The following ANKS1B variants were observed in gnomAD, a reference collection of about 807,000 sequenced individuals.
The protein encoded by ANKS1B is ankyrin repeat and sterile alpha motif domain containing 1B.
A neutral mutation model predicts 148.3 loss-of-function variants in ANKS1B; 36 were observed. That is an observed-to-expected ratio of 0.24 (90% CI 0.19 to 0.32). The LOEUF is 0.32. Among genes scored for constraint, ANKS1B ranks in the 10% least tolerant of loss-of-function variants. ANKS1B has a pLI of 1.00. For missense variants in ANKS1B, 1,157 were observed against 1,542.6 expected (o/e 0.75, Z 4.19); for synonymous variants, 542 against 560.8 (o/e 0.97, Z 0.47).
At chr12:99,783,259 A>T (rs377613948) in intron 4 of ANKS1B, among the ~76,000 whole-genome samples, 7 of 152,078 alleles carry the variant, frequency 4.6e-5, no homozygotes, top group Non-Finnish European at 1.0e-4. Context: ...ACCACCAAAC[A>T]TCATAGCCTA....
intron 11 of ANKS1B, among the ~76,000 whole-genome samples, chr12:99,430,064 A>T (rs1248776761): frequency 2.1e-5 from 3 of 145,110 alleles, no homozygotes; most frequent in Non-Finnish European, 3.0e-5. Context: ...AAAAAAAAAG[A>T]TCTTTAGAAA....
chr12:99,215,896 G>A (rs1319761470), intron 14 of ANKS1B, among the ~76,000 whole-genome samples: 1 of 152,130 alleles, frequency 6.6e-6, no homozygotes, highest in Non-Finnish European at 1.5e-5. Context: ...AAGGCAAAAT[G>A]GTTATGAAAT....
intron 17 of ANKS1B, among the ~76,000 whole-genome samples, chr12:98,849,599 A>C (rs976790897): frequency 3.6e-4 from 55 of 152,360 alleles, no homozygotes; most frequent in Non-Finnish European, 2.8e-4. Flanking sequence ...CGAGTAATTT[A>C]AATCATGAAT....
chr12:99,485,486 T>C (rs530540384), intron 10 of ANKS1B, among the ~76,000 whole-genome samples: 1 of 152,316 alleles, frequency 6.6e-6, no homozygotes, highest in South Asian at 2.1e-4. Context: ...TTGGTAAATA[T>C]CTTTTTGCAA....
intron 17 of ANKS1B, among the ~76,000 whole-genome samples, chr12:98,923,605 T>C (rs1377314461): frequency 6.6e-6 from 1 of 152,218 alleles, no homozygotes; most frequent in Non-Finnish European, 1.5e-5. Context: ...ACACTACAAA[T>C]GTAGAGTGAA....
intron 12 of ANKS1B, among the ~76,000 whole-genome samples, chr12:99,273,330 A>G (rs2077259844): frequency 6.6e-6 from 1 of 152,158 alleles, no homozygotes; most frequent in Admixed American, 6.5e-5. Flanking sequence ...CACCAGAATA[A>G]TTATCTAAAA....
At chr12:98,898,548 G>A (rs1290564668) in intron 17 of ANKS1B, among the ~76,000 whole-genome samples, 2 of 152,062 alleles carry the variant, frequency 1.3e-5, no homozygotes, top group Non-Finnish European at 2.9e-5. Flanking sequence ...AGAAGCAGGC[G>A]TAAAACCATG....
At chr12:99,608,224 C>T (rs1005545930) in intron 9 of ANKS1B, among the ~76,000 whole-genome samples, 2 of 152,042 alleles carry the variant, frequency 1.3e-5, no homozygotes, top group Admixed American at 1.3e-4. Flanking sequence ...ACTCAGGAGT[C>T]TCTGTCTTTG....
At chr12:99,210,070 C>T (rs1423788715) in intron 14 of ANKS1B, among the ~76,000 whole-genome samples, 2 of 152,142 alleles carry the variant, frequency 1.3e-5, no homozygotes, top group Non-Finnish European at 2.9e-5. Flanking sequence ...CCAGAAGCCC[C>T]TCTCAGGTTT....
chr12:98,794,823 TAAAG>T (rs2098932759), intron 22 of ANKS1B: 3 of 1,590,830 alleles, frequency 1.9e-6, no homozygotes, highest in Admixed American at 3.3e-5. Flanking sequence ...TGAAGAAAAA[TAAAG>T]AGCTACAGAA....
At chr12:99,607,245 G>A (rs1478937747) in intron 9 of ANKS1B, among the ~76,000 whole-genome samples, 1 of 152,064 alleles carries the variant, frequency 6.6e-6, no homozygotes, top group Non-Finnish European at 1.5e-5. Flanking sequence ...TAAATACATA[G>A]GCTCACAAGA....
intron 8 of ANKS1B, among the ~76,000 whole-genome samples, chr12:99,726,456 GA>G (rs1460647713): frequency 6.6e-6 from 1 of 152,124 alleles, no homozygotes; most frequent in Non-Finnish European, 1.5e-5. Flanking sequence ...TCCATAAATA[GA>G]CCAATAACAA....
chr12:99,170,498 G>T (rs1453576515), intron 14 of ANKS1B, among the ~76,000 whole-genome samples: 1 of 152,124 alleles, frequency 6.6e-6, no homozygotes, highest in Non-Finnish European at 1.5e-5. Context: ...AATAGCACGT[G>T]AAAAAAGCAC....
At chr12:98,855,145 G>A (rs1257159046) in intron 17 of ANKS1B, among the ~76,000 whole-genome samples, 10 of 139,830 alleles carry the variant, frequency 7.2e-5, no homozygotes, top group South Asian at 2.2e-4. Context: ...CGACCTGGGC[G>A]ACAGAGCGAG....
chr12:99,747,091 CCT>C (rs532788968), intron 8 of ANKS1B, among the ~76,000 whole-genome samples: 224 of 151,654 alleles, frequency 1.5e-3, no homozygotes, highest in Non-Finnish European at 2.1e-3. Context: ...GGTCTGAACC[CCT>C]TTCTCCTCCT....
intron 17 of ANKS1B, among the ~76,000 whole-genome samples, chr12:98,962,796 T>C (rs2099873802): frequency 6.6e-6 from 1 of 152,182 alleles, no homozygotes; most frequent in Non-Finnish European, 1.5e-5. Flanking sequence ...AGAGGAATTT[T>C]GGAAAATATA....
At chr12:99,942,130 G>A (rs549840073) in intron 1 of ANKS1B, among the ~76,000 whole-genome samples, 28 of 152,222 alleles carry the variant, frequency 1.8e-4, no homozygotes, top group Non-Finnish European at 2.2e-4. Context: ...CATATTTAAC[G>A]AGATGAGAGA....
chr12:99,451,282 C>T (rs569762745), intron 10 of ANKS1B, among the ~76,000 whole-genome samples: 1 of 152,254 alleles, frequency 6.6e-6, no homozygotes, highest in Non-Finnish European at 1.5e-5. Flanking sequence ...GAAAAATATT[C>T]TATGACTATA....
chr12:99,628,453 T>C (rs1253306725), intron 9 of ANKS1B, among the ~76,000 whole-genome samples: 1 of 152,212 alleles, frequency 6.6e-6, no homozygotes, highest in Non-Finnish European at 1.5e-5. Context: ...ACTTACACTC[T>C]GGATTCTGGT....
Sources: gnomAD v4.1 joint callset for allele counts (sites outside exome capture counted in the v4.1 genomes callset) on GRCh38, gnomAD v4.1.1 for gene constraint, MANE v1.5 for transcripts, NCBI Gene and HGNC (gene_info 2026-07-23, HGNC 2026-07-21) for gene names.